ERGIC1: variants seen among roughly 807,000 people sequenced by gnomAD.
The protein encoded by ERGIC1 is endoplasmic reticulum-Golgi intermediate compartment protein 1.
In ERGIC1, 19 loss-of-function variants were observed where a neutral mutation model predicts 38.3. That is an observed-to-expected ratio of 0.50 (90% CI 0.35 to 0.73). The LOEUF is 0.73. Ranked by LOEUF, ERGIC1 falls within the 30% of genes least tolerant of loss-of-function variation. The pLI, the probability that ERGIC1 is intolerant of heterozygous loss-of-function variation, is 0.01. For synonymous variants in ERGIC1, 124 were observed against 157.6 expected (o/e 0.79, Z 1.60); for missense variants, 294 against 389.2 (o/e 0.76, Z 2.06).
chr5:172,888,661 TG>T, intron 1 of ERGIC1, 37 bp from the exon 2 acceptor site: 1 of 1,585,060 alleles, frequency 6.3e-7, no homozygotes, highest in Non-Finnish European at 8.7e-7. Context: ...ACCCACCCTT[TG>T]TGCCCACCTC....
rs189090705 is a variant in ERGIC1 at position 172,918,609 on chromosome 5, T to C, written c.375+3771T>C. On this transcript the variant is annotated intron_variant, in intron 5 of 9. Transcript: ENST00000393784. Reference sequence around the variant, plus strand: ...GCTACCAGGCTCAGGAAGGCAGGCTTGGAATGGACAGTGATCTAAGTGCTG... The same window carrying C: ...GCTACCAGGCTCAGGAAGGCAGGCTCGGAATGGACAGTGATCTAAGTGCTG... Among the ~76,000 whole-genome samples, 404 of 152,314 alleles carry C rather than the reference T, an allele frequency of 2.7e-3. 1 individual carries two copies. The highest frequency in any genetic ancestry group is 4.3e-3 in the Non-Finnish European group (295 of 68,022).
intron 1 of ERGIC1, among the ~76,000 whole-genome samples, chr5:172,836,635 C>T (rs1357352398): frequency 6.6e-6 from 1 of 152,190 alleles, no homozygotes; most frequent in Non-Finnish European, 1.5e-5. Flanking sequence ...AGTGTGCATT[C>T]ATCAAGCATT....
In ERGIC1 at chr5:172,897,091, C is replaced by T. The variant is rs576965230; in HGVS notation, c.155+17C>T. 7.4e-6 allele frequency: 12 copies of T among 1,611,784 alleles called. No homozygotes were observed. The highest frequency in any genetic ancestry group is 2.2e-5 in the East Asian group (1 of 44,860). On this transcript the variant is annotated intron_variant, in intron 3 of 9. Coordinates refer to ENST00000393784, the MANE Select transcript of ERGIC1 (RefSeq NM_001031711.3). ...GACAGAAGTGTAAGTCATACTTTCC[C>T]GATGGGGCATTCCAGGATGTTCTGG...
At chr5:172,922,080 C>A (rs933306803) in intron 5 of ERGIC1, 2 of 152,346 alleles carry the variant, frequency 1.3e-5, no homozygotes, top group African/African-American at 4.8e-5. Context: ...GTCTGCTCAT[C>A]TCCCCAGTTC....
chr5:172,944,160 G>A (rs1764069211), intron 9 of ERGIC1, among the ~76,000 whole-genome samples: 1 of 152,240 alleles, frequency 6.6e-6, no homozygotes, highest in Non-Finnish European at 1.5e-5. Flanking sequence ...GCTGCCCAGA[G>A]CAGTGGTGCA....
intron 3 of ERGIC1, among the ~76,000 whole-genome samples, chr5:172,906,584 G>A (rs934576043): frequency 5.9e-5 from 9 of 152,274 alleles, no homozygotes; most frequent in African/African-American, 1.4e-4. Flanking sequence ...TGCTAGGGGC[G>A]CAAAGATGTG....
intron 1 of ERGIC1, among the ~76,000 whole-genome samples, chr5:172,873,073 A>G (rs1161288763): frequency 6.6e-6 from 1 of 152,248 alleles, no homozygotes; most frequent in African/African-American, 2.4e-5. Context: ...ATGAGAATCC[A>G]GTCCCCGGAA....
At position 172,952,157 on chromosome 5, in the gene ERGIC1, A is replaced by C. The variant is rs1324436670; in HGVS notation, c.*1341A>C. On this transcript the variant is annotated 3_prime_UTR_variant, in exon 10 of 10. Transcript: ENST00000393784. ...GGAGAGAGCCACACGCCTGTTTTCC[A>C]TTTATAGCAAGATTGTTTGCATACT... The C allele has an allele frequency of 2.6e-5, 4 of 152,240 alleles. No individual in the cohort carries two copies. Among genetic ancestry groups the C allele is most frequent in the Non-Finnish European group, 4.4e-5 (3 of 68,048 alleles). 9.4% of individuals were successfully genotyped at this position (152,240 alleles called of 1,614,324 possible). A position where few individuals can be genotyped will look rare whatever the true frequency, so the allele number is the denominator to read the frequency against.
intron 8 of ERGIC1, chr5:172,934,733 A>T (rs1304115011): frequency 1.9e-5 from 4 of 211,808 alleles, no homozygotes. Flanking sequence ...CCTTCTGCAG[A>T]CTGCGACTCC....
chr5:172,949,659 G>GGC (rs894188365), intron 9 of ERGIC1, among the ~76,000 whole-genome samples: 8 of 151,832 alleles, frequency 5.3e-5, no homozygotes, highest in African/African-American at 1.9e-4. Flanking sequence ...GCGTGGCGGG[G>GGC]GGGGGTATGA....
chr5:172,834,581 C>CG lies in ERGIC1; in HGVS notation c.20+148_20+149insG, dbSNP rs1049894278. 21 of 336,782 alleles carry CG rather than the reference C, an allele frequency of 6.2e-5. No individual in the cohort carries two copies. The highest frequency in any genetic ancestry group is 2.0e-4 in the East Asian group (2 of 9,762). The allele number at this position is 336,782 out of a possible 1,614,324, so 20.9% of individuals were successfully genotyped here. A position where few individuals can be genotyped will look rare whatever the true frequency, so the allele number is the denominator to read the frequency against. On this transcript the variant is annotated intron_variant, in intron 1 of 9. Coordinates refer to ENST00000393784, the MANE Select transcript of ERGIC1 (RefSeq NM_001031711.3). This position sits in a 1 kb window ranked among gnomAD's most constrained non-coding sequence, Gnocchi z 4.1. ...CAGGCCCCTAGGGACCCCAGGCGAG[C>CG]CCCCCCCCTGCCGCACACGAAGCCA... is the stretch of plus-strand genomic sequence containing the variant.
intron 2 of ERGIC1, among the ~76,000 whole-genome samples, chr5:172,894,678 C>G (rs946931192): frequency 4.6e-5 from 7 of 152,196 alleles, no homozygotes; most frequent in African/African-American, 1.4e-4. Context: ...GCCTCTCCTG[C>G]CACCACACAG....
chr5:172,893,907 G>A (rs575819), intron 2 of ERGIC1, among the ~76,000 whole-genome samples: 305 of 17,974 alleles, frequency 0.017, 6 homozygotes, highest in African/African-American at 0.044. Context: ...ATATATATAT[G>A]TGTGTGTGTG....
Position 172,925,098 on chromosome 5 carries a change from C to T in ERGIC1, c.480+989C>T, listed in dbSNP as rs1479815652. Among the ~76,000 whole-genome samples, 8 of 152,040 alleles carry T rather than the reference C, an allele frequency of 5.3e-5. No individual in the cohort carries two copies. The East Asian group carries it at 1.4e-3, about 26-fold the overall frequency. On this transcript the variant is annotated intron_variant, in intron 6 of 9. Coordinates refer to ENST00000393784, the MANE Select transcript of ERGIC1 (RefSeq NM_001031711.3). ...ACTAAAAATACAAAAATTAGCCGGG[C>T]GTGGTGGCAGGCACCTGTGATCCCA...
intron 9 of ERGIC1, among the ~76,000 whole-genome samples, chr5:172,949,899 C>T (rs1333009694): frequency 4.6e-5 from 7 of 152,052 alleles, no homozygotes; most frequent in Non-Finnish European, 5.9e-5. Context: ...CACCCCCACC[C>T]TGTCTCTACT....
intron 2 of ERGIC1, among the ~76,000 whole-genome samples, chr5:172,893,896 T>TACACAC (rs750015522): frequency 1.1e-3 from 45 of 40,398 alleles, no homozygotes; most frequent in African/African-American, 3.0e-3. Flanking sequence ...TATATATATA[T>TACACAC]ATATATATAT....
At position 172,834,582 on chromosome 5, in the gene ERGIC1, C is replaced by CA; in HGVS notation, c.20+149_20+150insA. 1.6e-6 allele frequency: 1 copy of CA among 625,626 alleles called. No homozygotes were observed. The highest frequency in any genetic ancestry group is 2.0e-6 in the Non-Finnish European group (1 of 492,830). 38.8% of individuals were successfully genotyped at this position (625,626 alleles called of 1,614,324 possible). A position where few individuals can be genotyped will look rare whatever the true frequency, so the allele number is the denominator to read the frequency against. On this transcript the variant is annotated intron_variant, in intron 1 of 9. Coordinates refer to ENST00000393784, the MANE Select transcript of ERGIC1 (RefSeq NM_001031711.3). The surrounding 1 kb of genome is among the most constrained non-coding windows in gnomAD (Gnocchi z 4.1). ...AGGCCCCTAGGGACCCCAGGCGAGCCCCCCCCCTGCCGCACACGAAGCCAG... is the reference window on the plus strand; with the variant it reads ...AGGCCCCTAGGGACCCCAGGCGAGCCACCCCCCCTGCCGCACACGAAGCCAG...
intron 3 of ERGIC1, chr5:172,898,074 A>G (rs2113316697): frequency 2.5e-6 from 1 of 395,698 alleles, no homozygotes; most frequent in East Asian, 3.6e-5. Context: ...AAGCCTCTTC[A>G]TTTCTGTGTT....
At chr5:172,949,169 CAT>C (rs1407630681) in intron 9 of ERGIC1, among the ~76,000 whole-genome samples, 2 of 152,210 alleles carry the variant, frequency 1.3e-5, no homozygotes, top group African/African-American at 4.8e-5. Flanking sequence ...TTGAGTAAAA[CAT>C]AACATTAGTT....
Sources: allele counts gnomAD v4.1 joint callset (sites outside exome capture counted in the v4.1 genomes callset), GRCh38; gene constraint gnomAD v4.1.1; non-coding constraint Gnocchi (gnomAD v3.1); transcripts MANE v1.5; gene names NCBI Gene and HGNC (gene_info 2026-07-23, HGNC 2026-07-21).